Variants in GRK6 observed in about 807,000 individuals in gnomAD.
The protein encoded by GRK6 is G protein-coupled receptor kinase 6.
A neutral mutation model predicts 80.8 loss-of-function variants in GRK6; 37 were observed. That is an observed-to-expected ratio of 0.46 (90% CI 0.35 to 0.60). GRK6 has a LOEUF of 0.60. GRK6 is among the 20% of genes least tolerant of loss of function. The pLI, the probability that GRK6 is intolerant of heterozygous loss-of-function variation, is 0.00. For missense variants in GRK6, 560 were observed against 784.6 expected, an observed-to-expected ratio of 0.71 and a Z score of 3.42; for synonymous variants, 295 against 320.9, an observed-to-expected ratio of 0.92 and a Z score of 0.86.
rs559029399 is a variant in GRK6, at chr5:177,441,764, G to A, written c.1705G>A (p.Glu569Lys). ...QDCCGNCSDSEEELPTRL is the reference protein window; with the variant it reads ...QDCCGNCSDSKEELPTRL Reference sequence around the variant, plus strand: ...TTGCTGTGGAAACTGCAGCGACAGCGAGGAAGAGCTCCCCACCCGCCTCTA... The same window carrying A: ...TTGCTGTGGAAACTGCAGCGACAGCAAGGAAGAGCTCCCCACCCGCCTCTA... Residue 569 changes from glutamate to lysine, a missense_variant, in exon 16 of 16, where the codon GAG becomes AAG. By Grantham distance (56) the Glu-to-Lys change is moderately conservative. This residue lies in a region of GRK6 where 294 missense variants were observed against 397.4 expected (regional missense o/e 0.74). Transcript: ENST00000355472. 53 of 1,612,906 alleles carry A rather than the reference G, an allele frequency of 3.3e-5. No individual in the cohort carries two copies. The highest frequency in any genetic ancestry group is 1.8e-4 in the East Asian group (8 of 44,876).
At chr5:177,441,683 A>C in intron 15 of GRK6, 54 bp from the exon 16 acceptor site, 1 of 1,437,722 alleles carries the variant, frequency 7.0e-7, no homozygotes, top group African/African-American at 1.4e-5. Flanking sequence ...CCTCGTGGTT[A>C]ATGGCACCTG....
At chr5:177,432,594 C>A in intron 4 of GRK6, 112 bp from the exon 5 acceptor site, 1 of 801,656 alleles carries the variant, frequency 1.2e-6, no homozygotes, top group East Asian at 2.7e-5. Flanking sequence ...CTGGCACACC[C>A]TGGCCTGCAG....
intron 11 of GRK6, among the ~76,000 whole-genome samples, chr5:177,435,327 A>G (rs1764095201): frequency 6.6e-6 from 1 of 152,242 alleles, no homozygotes; most frequent in Admixed American, 6.5e-5. Flanking sequence ...CATTTGCTGA[A>G]TACTTATTAA....
At chr5:177,433,080 C>T (rs141163439) in intron 5 of GRK6, 67 bp from the exon 6 acceptor site, 138 of 1,395,774 alleles carry the variant, frequency 9.9e-5, no homozygotes, top group Admixed American at 6.7e-4. Context: ...GGAGGCCTGG[C>T]CCAGCAAGCC....
rs148871845 is a variant in GRK6, at chr5:177,440,521, G to C, written c.1405-179G>C. On this transcript the variant is annotated intron_variant, in intron 13 of 15. Transcript: ENST00000355472. ...CGCAGTTCACAGAGGGGAAAACCAGGCTTCGGAGAGAAGGGCCTGCCCCAC... is the reference window on the plus strand; with the variant it reads ...CGCAGTTCACAGAGGGGAAAACCAGCCTTCGGAGAGAAGGGCCTGCCCCAC... Among the ~76,000 whole-genome samples the C allele has an allele frequency of 1.3e-4, 20 of 152,398 alleles. No homozygotes were observed. In the East Asian group the frequency reaches 3.9e-3, roughly 29 times the overall value.
intron 15 of GRK6, among the ~76,000 whole-genome samples, chr5:177,441,535 C>T (rs1056954409): frequency 6.6e-6 from 1 of 152,146 alleles, no homozygotes; most frequent in Non-Finnish European, 1.5e-5. Context: ...AGTCTGTTGC[C>T]GGCAGCCTCT....
chr5:177,436,001 CT>C, intron 11 of GRK6, 71 bp from the exon 12 acceptor site: 1 of 1,335,424 alleles, frequency 7.5e-7, no homozygotes, highest in Non-Finnish European at 1.1e-6. Flanking sequence ...CTAACGTGCA[CT>C]GGCGTTCCTG....
intron 9 of GRK6, 116 bp from the exon 10 acceptor site, chr5:177,434,784 TGA>T (rs1764067155): frequency 2.7e-6 from 3 of 1,108,654 alleles, no homozygotes; most frequent in Non-Finnish European, 4.1e-6. Context: ...TGGCAGCAAA[TGA>T]GTCTCGCACC....
intron 13 of GRK6, chr5:177,438,674 G>A (rs571272511): frequency 6.6e-6 from 1 of 152,458 alleles, no homozygotes; most frequent in East Asian, 1.9e-4. Context: ...GGACCGCTGG[G>A]GGACCCTGGG....
intron 7 of GRK6, 43 bp downstream of exon 7, chr5:177,433,453 G>C: frequency 1.2e-6 from 2 of 1,611,020 alleles, no homozygotes; most frequent in Non-Finnish European, 1.7e-6. Context: ...GAATAGGGTG[G>C]GTGTGTTGGG....
rs560589893 is a variant in GRK6 at position 177,439,429 on chromosome 5, ACTTGGGAGG to A, written c.1405-1268_1405-1260del. Among the ~76,000 whole-genome samples, 26 of 152,008 alleles carry A rather than the reference ACTTGGGAGG, an allele frequency of 1.7e-4. No individual in the cohort carries two copies. The South Asian group carries it at 5.2e-3, about 30-fold the overall frequency. On this transcript the variant is annotated intron_variant, in intron 13 of 15. Coordinates refer to ENST00000355472, the MANE Select transcript of GRK6 (RefSeq NM_001004106.3). ...GTGGCGCATGCCGGTAATCTCACCT[ACTTGGGAGG>A]CTGAGGCAGGAGAATCGCTTGAACC...
At chr5:177,433,808 G>A (rs1362291794) in intron 8 of GRK6, 106 bp from the exon 9 acceptor site, 3 of 1,503,304 alleles carry the variant, frequency 2.0e-6, no homozygotes, top group South Asian at 1.3e-5. Flanking sequence ...CAGGCTTGGG[G>A]AGCAGGCTGG....
Position 177,441,881 on chromosome 5 carries a change from A to G in GRK6, c.*91A>G. ...TGCACAGTGATCTTCCCCATTGTCCACTCAAGTCGTGGCCTGGGGAACACA... is the reference window on the plus strand; with the variant it reads ...TGCACAGTGATCTTCCCCATTGTCCGCTCAAGTCGTGGCCTGGGGAACACA... On this transcript the variant is annotated 3_prime_UTR_variant, in exon 16 of 16. Transcript: ENST00000355472. 8.5e-7 allele frequency: 1 copy of G among 1,181,814 alleles called. No individual in the cohort carries two copies. The highest frequency in any genetic ancestry group is 1.3e-5 in the South Asian group (1 of 76,206). 73.2% of individuals were successfully genotyped at this position (1,181,814 alleles called of 1,614,324 possible). A position where few individuals can be genotyped will look rare whatever the true frequency, so the allele number is the denominator to read the frequency against.
In GRK6 at chr5:177,430,863, C is replaced by G. The variant is rs375925216; in HGVS notation, c.53-9C>G. 9 of 1,613,060 alleles carry G rather than the reference C, an allele frequency of 5.6e-6. No homozygotes were observed. Among genetic ancestry groups the G allele is most frequent in the Non-Finnish European group, 7.6e-6 (9 of 1,179,242 alleles). ...GGACTCGAGACCCAGTGTCCTATTG[C>G]TCCCACAGGTGGCGGTGGAAATCGC... On this transcript the variant is annotated splice_polypyrimidine_tract_variant and intron_variant, in intron 1 of 15. Coordinates refer to ENST00000355472, the MANE Select transcript of GRK6 (RefSeq NM_001004106.3).
chr5:177,440,036 G>C (rs1480929159), intron 13 of GRK6: 1 of 152,418 alleles, frequency 6.6e-6, no homozygotes, highest in Non-Finnish European at 1.5e-5. Context: ...CTATACCTAG[G>C]AGTAGAATTA....
intron 15 of GRK6, 61 bp downstream of exon 15, chr5:177,441,114 A>C: frequency 6.3e-7 from 1 of 1,592,638 alleles, no homozygotes; most frequent in Non-Finnish European, 8.6e-7. Flanking sequence ...GGTGGGTGGG[A>C]GGCAGAGCCG....
At chr5:177,427,140 G>A (rs1012351604) in intron 1 of GRK6, among the ~76,000 whole-genome samples, 3 of 152,194 alleles carry the variant, frequency 2.0e-5, no homozygotes, top group African/African-American at 7.2e-5. Context: ...GGGTGAAGGA[G>A]TGAAAGAAGG....
intron 11 of GRK6, 86 bp downstream of exon 11, chr5:177,435,207 TTC>T: frequency 9.9e-7 from 1 of 1,006,366 alleles, no homozygotes; most frequent in Non-Finnish European, 1.5e-6. Context: ...TCTGGGAGTC[TTC>T]TCTCAAAAGG....
At chr5:177,440,313 G>A (rs532113864) in intron 13 of GRK6, among the ~76,000 whole-genome samples, 2 of 152,328 alleles carry the variant, frequency 1.3e-5, no homozygotes, top group South Asian at 4.1e-4. Flanking sequence ...ATCGCAGGGC[G>A]GGGAGCCAGG....
Sources: allele counts gnomAD v4.1 joint callset (sites outside exome capture counted in the v4.1 genomes callset), GRCh38; gene constraint gnomAD v4.1.1; regional missense constraint gnomAD v4.1.1; transcripts MANE v1.5; gene names NCBI Gene and HGNC (gene_info 2026-07-23, HGNC 2026-07-21).